The following MFGE8 variants were observed in gnomAD, a reference collection of about 807,000 sequenced individuals.
MFGE8 encodes milk fat globule EGF and factor V/VIII domain containing.
In MFGE8, 34 loss-of-function variants were observed where a neutral mutation model predicts 42.6. The ratio of observed to expected loss-of-function variants is 0.80; its 90% CI spans 0.61 to 1.06. MFGE8 has a LOEUF of 1.06. MFGE8 is among the 50% of genes least tolerant of loss of function. MFGE8 has a pLI of 0.00. For missense variants in MFGE8, 510 were observed against 516.9 expected (o/e 0.99, Z 0.13); for synonymous variants, 230 against 214.8 (o/e 1.07, Z -0.62).
Position 88,899,381 on chromosome 15 carries a change from G to T in MFGE8, c.*14C>A, listed in dbSNP as rs747832822. ...CCATGGAAAGCAGGAAGACCTGGGGGTGGCAGGTGGCCACTAACAGCCCAG... is the reference window on the plus strand; with the variant it reads ...CCATGGAAAGCAGGAAGACCTGGGGTTGGCAGGTGGCCACTAACAGCCCAG... On this transcript the variant is annotated 3_prime_UTR_variant, in exon 8 of 8. Transcript: ENST00000268150. This position sits in a 1 kb window ranked among gnomAD's most constrained non-coding sequence, Gnocchi z 6.8. 1 of 1,613,904 alleles carries T rather than the reference G, an allele frequency of 6.2e-7. No homozygotes were observed. The highest frequency in any genetic ancestry group is 8.5e-7 in the Non-Finnish European group (1 of 1,179,956).
rs1358010159 is a variant in MFGE8 at position 88,899,690 on chromosome 15, G to C, written c.992C>G (p.Thr331Ser). 1.9e-6 allele frequency: 3 copies of C among 1,614,092 alleles called. No individual in the cohort carries two copies. Among genetic ancestry groups the C allele is most frequent in the African/African-American group, 1.3e-5 (1 of 74,920 alleles). ...VAYSNDSANW[T>S]EYQDPRTGSS... The stretch of plus-strand genomic sequence containing the variant: ...GCCAGTCCTGGGGTCCTGGTACTCA[G>C]TCCAGTTCGCACTGTCATTACTGTA... The change falls in exon 7 of 8, where the codon ACT becomes AGT. Residue 331 changes from threonine (T) to serine (S), a missense_variant. Physicochemically the swap from Thr to Ser is moderately conservative, Grantham distance 58 (BLOSUM62 1). Coordinates refer to ENST00000268150, the MANE Select transcript of MFGE8 (RefSeq NM_005928.4). The surrounding 1 kb of genome is among the most constrained non-coding windows in gnomAD (Gnocchi z 6.8).
At position 88,913,332 on chromosome 15, in the gene MFGE8, C is replaced by T. The variant is rs1899061594; in HGVS notation, c.-13G>A. The T allele has an allele frequency of 2.8e-6, 4 of 1,430,808 alleles. No homozygotes were observed. The highest frequency in any genetic ancestry group is 3.6e-6 in the Non-Finnish European group (4 of 1,103,712). 88.6% of individuals were successfully genotyped at this position (1,430,808 alleles called of 1,614,324 possible). A position where few individuals can be genotyped will look rare whatever the true frequency, so the allele number is the denominator to read the frequency against. On this transcript the variant is annotated 5_prime_UTR_variant, in exon 1 of 8. Coordinates refer to ENST00000268150, the MANE Select transcript of MFGE8 (RefSeq NM_005928.4). ...GGGGGCGCGGCATGCTGCGGGGACGCGGGCGCTGGAATGGGCACGCTGGGC... is the reference window on the plus strand; with the variant it reads ...GGGGGCGCGGCATGCTGCGGGGACGTGGGCGCTGGAATGGGCACGCTGGGC...
chr15:88,913,372 G>T lies in MFGE8; in HGVS notation c.-53C>A, dbSNP rs1165009280. 1.5e-6 allele frequency: 2 copies of T among 1,304,106 alleles called. No homozygotes were observed. The highest frequency in any genetic ancestry group is 2.0e-6 in the Non-Finnish European group (2 of 1,010,522). 80.8% of individuals were successfully genotyped at this position (1,304,106 alleles called of 1,614,324 possible). On this transcript the variant is annotated 5_prime_UTR_variant, in exon 1 of 8. Transcript: ENST00000268150. ...GCACGCTGGGCTGCTCAGACCCCGC[G>T]GGGTTCTGGCGCCTTCTCCTCTGGG...
Position 88,899,631 on chromosome 15 carries a change from G to A in MFGE8, c.1026+25C>T. On this transcript the variant is annotated intron_variant, in intron 7 of 7. Transcript: ENST00000268150. This position sits in a 1 kb window ranked among gnomAD's most constrained non-coding sequence, Gnocchi z 6.8. ...GGGAAGTAATGAAGGAATGGCAAAG[G>A]GTGGGCAGCTGGACAGACACCCACC... is the stretch of plus-strand genomic sequence containing the variant. 3 of 1,614,140 alleles carry A rather than the reference G, an allele frequency of 1.9e-6. No individual in the cohort carries two copies. Among genetic ancestry groups the A allele is most frequent in the Non-Finnish European group, 2.5e-6 (3 of 1,180,016 alleles).
At chr15:88,912,724 T>C in intron 1 of MFGE8, 2 of 985,370 alleles carry the variant, frequency 2.0e-6, no homozygotes, top group South Asian at 9.4e-5. Flanking sequence ...ACTTACGGCC[T>C]GCGTCCATTG....
At chr15:88,904,358 C>G (rs546247180) in intron 5 of MFGE8, 2 of 150,774 alleles carry the variant, frequency 1.3e-5, no homozygotes, top group Admixed American at 1.3e-4. Flanking sequence ...CACATGCACA[C>G]GTGCACACAT....
intron 2 of MFGE8, among the ~76,000 whole-genome samples, chr15:88,908,353 G>A (rs991460498): frequency 1.1e-4 from 17 of 152,198 alleles, no homozygotes; most frequent in African/African-American, 3.4e-4. Flanking sequence ...ACCAGAGCTC[G>A]GCCAGTGGCT....
In MFGE8 at chr15:88,901,561, T is replaced by A. The variant is rs979259594; in HGVS notation, c.860A>T (p.Gln287Leu). 2.2e-6 allele frequency: 3 copies of A among 1,357,116 alleles called. No individual in the cohort carries two copies. The highest frequency in any genetic ancestry group is 3.0e-6 in the Non-Finnish European group (3 of 1,016,152). The allele number at this position is 1,357,116 out of a possible 1,614,324, so 84.1% of individuals were successfully genotyped here. A position where few individuals can be genotyped will look rare whatever the true frequency, so the allele number is the denominator to read the frequency against. ...AGAAGGCTGACCCACCTGCAGCCAC[T>A]GATCGTTACCGTAGCTCCCCGCAAC... ...AWVAGSYGND[Q>L]WLQVDLGSSK... The change falls in exon 6 of 8, where the codon CAG (glutamine) becomes CTG (leucine). Residue 287 changes from glutamine (Q) to leucine (L), a missense_variant. Transcript: ENST00000268150.
At chr15:88,910,885 C>A (rs1256544504) in intron 1 of MFGE8, 1 of 151,324 alleles carries the variant, frequency 6.6e-6, no homozygotes, top group Non-Finnish European at 1.5e-5. Context: ...TCACCATTGT[C>A]CACCAGGGGG....
chr15:88,912,824 G>A, intron 1 of MFGE8: 2 of 985,444 alleles, frequency 2.0e-6, no homozygotes, highest in Non-Finnish European at 2.4e-6. Context: ...ACTGGAGTTG[G>A]CAGGGAGATG....
rs758272531 is a variant in MFGE8, at chr15:88,906,606, C to T, written c.540+20G>A. On this transcript the variant is annotated intron_variant, in intron 4 of 7. Coordinates refer to ENST00000268150, the MANE Select transcript of MFGE8 (RefSeq NM_005928.4). The surrounding 1 kb of genome is among the most constrained non-coding windows in gnomAD (Gnocchi z 4.2). ...GGGGTATGGACCACAGCCCTTCTTT[C>T]GGGCCCCAACAAGACCTACCTTGTG... The T allele has an allele frequency of 1.9e-5, 31 of 1,613,606 alleles. No individual in the cohort carries two copies. Among genetic ancestry groups the T allele is most frequent in the East Asian group, 4.5e-5 (2 of 44,884 alleles).
chr15:88,908,401 C>T (rs887281389), intron 2 of MFGE8, among the ~76,000 whole-genome samples: 1 of 152,208 alleles, frequency 6.6e-6, no homozygotes. Flanking sequence ...CCAAGACTAT[C>T]CCCATACCCC....
At chr15:88,909,666 C>T in intron 2 of MFGE8, 126 bp downstream of exon 2, 2 of 1,389,326 alleles carry the variant, frequency 1.4e-6, no homozygotes, top group South Asian at 1.2e-5. Context: ...CCAGAGGAGG[C>T]CTTGACACCT....
In MFGE8 at chr15:88,906,111, A is replaced by C; in HGVS notation, c.541-210T>G. The C allele has an allele frequency of 1.6e-6, 1 of 618,162 alleles. No homozygotes were observed. The highest frequency in any genetic ancestry group is 2.9e-6 in the Non-Finnish European group (1 of 348,810). The allele number at this position is 618,162 out of a possible 1,614,324, so 38.3% of individuals were successfully genotyped here. On this transcript the variant is annotated intron_variant, in intron 4 of 7. Coordinates refer to ENST00000268150, the MANE Select transcript of MFGE8 (RefSeq NM_005928.4). The surrounding 1 kb of genome is among the most constrained non-coding windows in gnomAD (Gnocchi z 4.2). ...AAAGATTCTCCTCTCACTTTCCTTA[A>C]TCATCATGGAGCCTGGGCATAAACC...
chr15:88,909,710 G>C, intron 2 of MFGE8, 82 bp downstream of exon 2: 1 of 1,602,808 alleles, frequency 6.2e-7, no homozygotes, highest in Non-Finnish European at 8.5e-7. Flanking sequence ...AGAGAATAAG[G>C]CCAGCATATG....
chr15:88,899,528 A>G lies in MFGE8; in HGVS notation c.1031T>C (p.Phe344Ser). 6.2e-7 allele frequency: 1 copy of G among 1,614,144 alleles called. No homozygotes were observed. The highest frequency in any genetic ancestry group is 8.5e-7 in the Non-Finnish European group (1 of 1,180,022). Residue 344 changes from phenylalanine to serine, a missense_variant, in exon 8 of 8, where the codon TTC becomes TCC. Physicochemically the swap from Phe to Ser is radical, Grantham distance 155. Coordinates refer to ENST00000268150, the MANE Select transcript of MFGE8 (RefSeq NM_005928.4). The surrounding 1 kb of genome is among the most constrained non-coding windows in gnomAD (Gnocchi z 6.8). ...GGAGTGGTTGTCCCAGTTGCCAGGG[A>G]AGATCTAGAGGCAGAGCGGGTGTCA... ...QDPRTGSSKI[F>S]PGNWDNHSHK...
chr15:88,909,762 A>C (rs1355869277), intron 2 of MFGE8, 30 bp downstream of exon 2: 1 of 1,613,302 alleles, frequency 6.2e-7, no homozygotes, highest in African/African-American at 1.3e-5. Context: ...TACTGCTAGA[A>C]ACAGGCAACA....
chr15:88,900,038 C>T (rs1287079321), intron 6 of MFGE8, among the ~76,000 whole-genome samples: 2 of 152,072 alleles, frequency 1.3e-5, no homozygotes, highest in South Asian at 2.1e-4. Flanking sequence ...GTCAGGAGTT[C>T]GAGACCAGCC....
At chr15:88,909,703 G>A (rs757523959) in intron 2 of MFGE8, 89 bp downstream of exon 2, 20 of 1,598,158 alleles carry the variant, frequency 1.3e-5, no homozygotes, top group Non-Finnish European at 1.6e-5. Context: ...CACAGGCAGA[G>A]AATAAGGCCA....
Sources: gnomAD v4.1 joint callset for allele counts (sites outside exome capture counted in the v4.1 genomes callset) on GRCh38, gnomAD v4.1.1 for gene constraint, Gnocchi (gnomAD v3.1) non-coding constraint, MANE v1.5 for transcripts, NCBI Gene and HGNC (gene_info 2026-07-23, HGNC 2026-07-21) for gene names.